LIN9: variants seen among roughly 807,000 people sequenced by gnomAD.
LIN9 encodes protein lin-9 homolog.
LIN9 carries 18 observed loss-of-function variants against 78.0 expected under a neutral mutation model. The ratio of observed to expected loss-of-function variants is 0.23; its 90% CI spans 0.16 to 0.34. The LOEUF (loss-of-function observed/expected upper bound fraction) is 0.34, where lower values mean the gene tolerates loss of function less well. LIN9 is among the 10% of genes least tolerant of loss of function. LIN9 has a pLI of 1.00. For missense variants in LIN9, 451 were observed against 644.1 expected (o/e 0.70, Z 3.25); for synonymous variants, 192 against 215.2 (o/e 0.89, Z 0.94).
intron 10 of LIN9, among the ~76,000 whole-genome samples, chr1:226,255,529 T>G (rs1328148920): frequency 2.0e-5 from 3 of 151,720 alleles, no homozygotes; most frequent in Non-Finnish European, 4.4e-5. Flanking sequence ...TAAGAAAAAA[T>G]TACAAGGTAC....
At chr1:226,264,028 A>C (rs1403893784) in intron 10 of LIN9, among the ~76,000 whole-genome samples, 1 of 151,786 alleles carries the variant, frequency 6.6e-6, no homozygotes, top group Non-Finnish European at 1.5e-5. Flanking sequence ...GTGAGCCATA[A>C]TGGCACCCCT....
intron 6 of LIN9, among the ~76,000 whole-genome samples, chr1:226,285,877 G>A (rs1661356042): frequency 6.6e-6 from 1 of 152,120 alleles, no homozygotes; most frequent in East Asian, 1.9e-4. Flanking sequence ...GGAACACAGA[G>A]GGACATAGAT....
rs558009103 is a variant in LIN9, at chr1:226,284,149, C to G, written c.524+2184G>C. Among the ~76,000 whole-genome samples, 11 of 152,198 alleles carry G rather than the reference C, an allele frequency of 7.2e-5. No homozygotes were observed. In the South Asian group the frequency reaches 2.3e-3, roughly 32 times the overall value. ...AACAGTAGTCTCGGTTTCCATTAAA[C>G]AAACAATCCACCCTCTTCTTCACCA... On this transcript the variant is annotated intron_variant, in intron 6 of 14. Transcript: ENST00000681046.
At chr1:226,302,309 C>T (rs911150138) in intron 1 of LIN9, among the ~76,000 whole-genome samples, 1 of 152,012 alleles carries the variant, frequency 6.6e-6, no homozygotes, top group Non-Finnish European at 1.5e-5. Flanking sequence ...TTTGGGAGGC[C>T]GAGGTGGGCG....
Position 226,265,812 on chromosome 1 carries a change from G to A in LIN9, c.937-178C>T, listed in dbSNP as rs947314294. 1.3e-5 allele frequency among the ~76,000 whole-genome samples: 2 copies of A among 152,012 alleles called. No individual in the cohort carries two copies. The highest frequency in any genetic ancestry group is 4.8e-5 in the African/African-American group (2 of 41,380). ...TCCTGCCTCAGCCTCCCGAGCAGCTGGGATTACAGGCGCGCGCCACCACGC... is the reference window on the plus strand; with the variant it reads ...TCCTGCCTCAGCCTCCCGAGCAGCTAGGATTACAGGCGCGCGCCACCACGC... On this transcript the variant is annotated intron_variant, in intron 9 of 14. Transcript: ENST00000681046. The surrounding 1 kb of genome is among the most constrained non-coding windows in gnomAD (Gnocchi z 4.1).
intron 10 of LIN9, among the ~76,000 whole-genome samples, chr1:226,252,335 A>T (rs201659567): frequency 1.3e-5 from 2 of 151,446 alleles, no homozygotes; most frequent in African/African-American, 2.4e-5. Context: ...TGAATGAATG[A>T]ATGTCTCCTA....
At chr1:226,247,688 T>TC (rs1181237633) in intron 11 of LIN9, among the ~76,000 whole-genome samples, 2 of 151,524 alleles carry the variant, frequency 1.3e-5, no homozygotes, top group Non-Finnish European at 2.9e-5. Flanking sequence ...TTTTTTTTTT[T>TC]TGAGACAGAG....
intron 11 of LIN9, among the ~76,000 whole-genome samples, chr1:226,248,503 C>A (rs544474230): frequency 6.6e-6 from 1 of 152,156 alleles, no homozygotes; most frequent in Non-Finnish European, 1.5e-5. Context: ...TTCATTAAAT[C>A]TTTCATTTTA....
At chr1:226,243,454 G>A (rs1658243500) in intron 11 of LIN9, among the ~76,000 whole-genome samples, 1 of 152,066 alleles carries the variant, frequency 6.6e-6, no homozygotes, top group South Asian at 2.1e-4. Flanking sequence ...CTGCACTTTG[G>A]GAGGCCAAGG....
chr1:226,297,657 G>A, intron 3 of LIN9, 62 bp downstream of exon 3: 1 of 1,137,070 alleles, frequency 8.8e-7, no homozygotes, highest in South Asian at 1.8e-5. Flanking sequence ...ATTTACACAT[G>A]ACAATAATAC....
At position 226,232,064 on chromosome 1, in the gene LIN9, A is replaced by T; in HGVS notation, c.*437T>A. 1 of 398,720 alleles carries T rather than the reference A, an allele frequency of 2.5e-6. No homozygotes were observed. The highest frequency in any genetic ancestry group is 4.4e-6 in the Non-Finnish European group (1 of 226,046). The allele number at this position is 398,720 out of a possible 1,614,324, so 24.7% of individuals were successfully genotyped here. A position where few individuals can be genotyped will look rare whatever the true frequency, so the allele number is the denominator to read the frequency against. ...ACTGAGATGGTGATCAACTAAATCA[A>T]GTGGAGTTGTAATTTTCTGGATGGA... is the stretch of plus-strand genomic sequence containing the variant. On this transcript the variant is annotated 3_prime_UTR_variant, in exon 15 of 15. Coordinates refer to ENST00000681046, the MANE Select transcript of LIN9 (RefSeq NM_001366245.2).
rs1479696833 is a variant in LIN9 at position 226,233,361 on chromosome 1, T to C, written c.1408A>G (p.Ile470Val). The C allele has an allele frequency of 1.2e-6, 2 of 1,610,194 alleles. No homozygotes were observed. The highest frequency in any genetic ancestry group is 2.2e-5 in the East Asian group (1 of 44,830). Residue 470 changes from isoleucine to valine, a missense_variant, in exon 13 of 15, where the codon ATT becomes GTT. Coordinates refer to ENST00000681046, the MANE Select transcript of LIN9 (RefSeq NM_001366245.2). The part of the protein sequence containing the change: ...LTDLISRLTA[I>V]LLQIKCLAEG... ...AGATTTACCTTAATTTGTAACAAAA[T>C]AGCTGTAAGCCTGGAAATTAAGTCT... is the stretch of plus-strand genomic sequence containing the variant.
chr1:226,250,188 CT>C (rs945698446), intron 11 of LIN9, among the ~76,000 whole-genome samples: 17 of 150,694 alleles, frequency 1.1e-4, no homozygotes, highest in African/African-American at 3.9e-4. Context: ...AAAAAAAAGA[CT>C]TCTGGTAATT....
At chr1:226,273,829 C>A (rs921374639) in intron 7 of LIN9, among the ~76,000 whole-genome samples, 4 of 139,746 alleles carry the variant, frequency 2.9e-5, no homozygotes, top group African/African-American at 1.1e-4. Context: ...TCCCTCTCAA[C>A]ATTACTTTTT....
chr1:226,260,628 G>GTTTTTTTT lies in LIN9; in HGVS notation c.1038+4897_1038+4904dup, dbSNP rs559460640. Among the ~76,000 whole-genome samples, 18 of 73,436 alleles carry GTTTTTTTT rather than the reference G, an allele frequency of 2.5e-4. 1 individual carries two copies. The highest frequency in any genetic ancestry group is 7.1e-4 in the African/African-American group (14 of 19,834). The allele number at this position is 73,436 out of a possible 152,430, so 48.2% of individuals were successfully genotyped here. A position where few individuals can be genotyped will look rare whatever the true frequency, so the allele number is the denominator to read the frequency against. The stretch of plus-strand genomic sequence containing the variant: ...AGAATTTAAGATCACGGCCAAATGA[G>GTTTTTTTT]TTTTTTTTTTTTTTTTTTTTTTTTT... On this transcript the variant is annotated intron_variant, in intron 10 of 14. Transcript: ENST00000681046.
At chr1:226,301,097 G>A (rs922408912) in intron 2 of LIN9, 76 bp downstream of exon 2, 3 of 1,047,280 alleles carry the variant, frequency 2.9e-6, no homozygotes, top group African/African-American at 3.2e-5. Flanking sequence ...GAAGGAAAAT[G>A]GAAACACTAT....
chr1:226,240,493 A>T (rs531274522), intron 11 of LIN9, among the ~76,000 whole-genome samples: 1 of 151,818 alleles, frequency 6.6e-6, no homozygotes, highest in South Asian at 2.1e-4. Context: ...AGCTCAAGCA[A>T]TCCTTCTGCC....
chr1:226,261,410 T>C (rs1333932019), intron 10 of LIN9, among the ~76,000 whole-genome samples: 1 of 150,856 alleles, frequency 6.6e-6, no homozygotes, highest in Non-Finnish European at 1.5e-5. Flanking sequence ...AAAAAAAAAA[T>C]CCCTGGAACT....
chr1:226,268,158 C>G (rs1660049459), intron 7 of LIN9, 68 bp from the exon 8 acceptor site: 1 of 1,453,696 alleles, frequency 6.9e-7, no homozygotes, highest in Admixed American at 1.9e-5. Context: ...AAAACTGTTC[C>G]AAGCATGTAA....
Sources: allele counts gnomAD v4.1 joint callset (sites outside exome capture counted in the v4.1 genomes callset), GRCh38; gene constraint gnomAD v4.1.1; non-coding constraint Gnocchi (gnomAD v3.1); transcripts MANE v1.5; gene names NCBI Gene and HGNC (gene_info 2026-07-23, HGNC 2026-07-21).